Variants in SLC35F6 observed in about 807,000 individuals in gnomAD.
SLC35F6 encodes the protein solute carrier family 35 member F6.
In SLC35F6, 26 loss-of-function variants were observed where a neutral mutation model predicts 29.4. The ratio of observed to expected loss-of-function variants is 0.89; its 90% CI spans 0.65 to 1.23. The LOEUF (loss-of-function observed/expected upper bound fraction) is 1.23. Among genes scored for constraint, SLC35F6 ranks in the 50% most tolerant of loss-of-function variants. The probability of loss-of-function intolerance (pLI) is 0.00; values close to 1 mark genes in which losing one functional copy is unlikely to be tolerated. For synonymous variants in SLC35F6, 174 were observed against 206.6 expected (o/e 0.84, Z 1.35); for missense variants, 428 against 487.8 (o/e 0.88, Z 1.15).
intron 1 of SLC35F6, among the ~76,000 whole-genome samples, chr2:26,768,295 G>A (rs1664131356): frequency 6.6e-6 from 1 of 152,016 alleles, no homozygotes; most frequent in African/African-American, 2.4e-5. Flanking sequence ...TTTCTCATCT[G>A]TAAAATGGAC....
At position 26,778,183 on chromosome 2, in the gene SLC35F6, C is replaced by T. The variant is rs757357044; in HGVS notation, c.788C>T (p.Ala263Val). 1.2e-6 allele frequency: 2 copies of T among 1,614,204 alleles called. No homozygotes were observed. The highest frequency in any genetic ancestry group is 4.5e-5 in the East Asian group (2 of 44,882). The part of the protein sequence containing the change: ...FCQVGQQPLI[A>V]VALLGNISSI... ...CAGGTGGGCCAGCAGCCGCTCATTGCCGTGGCACTGCTGGGCAACATCAGC... is the reference window on the plus strand; with the variant it reads ...CAGGTGGGCCAGCAGCCGCTCATTGTCGTGGCACTGCTGGGCAACATCAGC... Residue 263 changes from alanine (A) to valine (V), a missense_variant, in exon 6 of 6, where the codon GCC becomes GTC. Coordinates refer to ENST00000344420, the MANE Select transcript of SLC35F6 (RefSeq NM_017877.4).
rs767981392 is a variant in SLC35F6 at position 26,778,523 on chromosome 2, G to A, written c.*12G>A. 13 of 1,571,840 alleles carry A rather than the reference G, an allele frequency of 8.3e-6. No homozygotes were observed. In the South Asian group the frequency reaches 1.5e-4, roughly 18 times the overall value. ...ATGATGCCAGCTGAGGTTCCCTGGA[G>A]GCTTCTACTGCCACCCGGGTGCTCC... is the stretch of plus-strand genomic sequence containing the variant. On this transcript the variant is annotated 3_prime_UTR_variant, in exon 6 of 6. Coordinates refer to ENST00000344420, the MANE Select transcript of SLC35F6 (RefSeq NM_017877.4).
intron 1 of SLC35F6, among the ~76,000 whole-genome samples, chr2:26,765,327 G>T (rs1053173404): frequency 1.3e-5 from 2 of 150,648 alleles, no homozygotes; most frequent in African/African-American, 4.9e-5. Flanking sequence ...TGATGTATGG[G>T]GGTGAGAGGG....
chr2:26,770,623 C>T (rs924114564), intron 1 of SLC35F6, among the ~76,000 whole-genome samples: 1 of 151,826 alleles, frequency 6.6e-6, no homozygotes, highest in Non-Finnish European at 1.5e-5. Flanking sequence ...GAGGTTAAGG[C>T]AGGAGAATCA....
In SLC35F6 at chr2:26,779,807, C is replaced by T. The variant is rs573000030; in HGVS notation, c.*1296C>T. On this transcript the variant is annotated 3_prime_UTR_variant, in exon 6 of 6. Transcript: ENST00000344420. ...CTGGGGTTACAGGCATGAGCCACCACGCCCAGCCTTTTTTTTTTTTTTTTT... is the reference window on the plus strand; with the variant it reads ...CTGGGGTTACAGGCATGAGCCACCATGCCCAGCCTTTTTTTTTTTTTTTTT... 6 of 150,386 alleles carry T rather than the reference C, an allele frequency of 4.0e-5. No homozygotes were observed. The highest frequency in any genetic ancestry group is 7.4e-5 in the African/African-American group (3 of 40,788). 9.3% of individuals were successfully genotyped at this position (150,386 alleles called of 1,614,324 possible).
At chr2:26,777,426 G>T (rs1459707377) in intron 5 of SLC35F6, among the ~76,000 whole-genome samples, 1 of 152,226 alleles carries the variant, frequency 6.6e-6, no homozygotes, top group Non-Finnish European at 1.5e-5. Context: ...GCTAGTGCCT[G>T]TTGGGGAGCA....
intron 1 of SLC35F6, among the ~76,000 whole-genome samples, chr2:26,773,198 TGTAA>T (rs1364723183): frequency 6.6e-6 from 1 of 152,014 alleles, no homozygotes; most frequent in Non-Finnish European, 1.5e-5. Context: ...TTTTAAAACG[TGTAA>T]ATAAGACCAA....
chr2:26,775,592 A>G lies in SLC35F6; in HGVS notation c.451A>G (p.Thr151Ala). 2 of 1,608,074 alleles carry G rather than the reference A, an allele frequency of 1.2e-6. No individual in the cohort carries two copies. Among genetic ancestry groups the G allele is most frequent in the Non-Finnish European group, 8.5e-7 (1 of 1,179,286 alleles). ...VLSQWLGILATIAGLVVVGLA... is the reference protein window; with the variant it reads ...VLSQWLGILAAIAGLVVVGLA... ...GAGCCAGTGGCTGGGCATCCTAGCCACCATCGCGGGGCTGGTGGTCGTGGG... is the reference window on the plus strand; with the variant it reads ...GAGCCAGTGGCTGGGCATCCTAGCCGCCATCGCGGGGCTGGTGGTCGTGGG... The change falls in exon 4 of 6, where the codon ACC (threonine) becomes GCC (alanine). Residue 151 changes from threonine to alanine, a missense_variant. Physicochemically the swap from Thr to Ala is moderately conservative, Grantham distance 58. Coordinates refer to ENST00000344420, the MANE Select transcript of SLC35F6 (RefSeq NM_017877.4). The surrounding 1 kb of genome is among the most constrained non-coding windows in gnomAD (Gnocchi z 4.6).
At chr2:26,777,068 G>A (rs943440832) in intron 5 of SLC35F6, among the ~76,000 whole-genome samples, 6 of 152,206 alleles carry the variant, frequency 3.9e-5, no homozygotes, top group African/African-American at 1.2e-4. Context: ...GCGTGGTGGC[G>A]CATGCCTGTA....
rs1664281428 is a variant in SLC35F6, at chr2:26,775,500, T to C, written c.359T>C (p.Leu120Pro). 6.2e-7 allele frequency: 1 copy of C among 1,612,506 alleles called. No homozygotes were observed. Among genetic ancestry groups the C allele is most frequent in the African/African-American group, 1.3e-5 (1 of 74,836 alleles). ...NMTSASSFQM[L>P]RGAVIIFTGL... ...ACCAGTGCCTCCAGCTTCCAGATGC[T>C]GCGGGGTGCAGTGATCATATTCACT... Residue 120 changes from leucine (L) to proline (P), a missense_variant, in exon 4 of 6, where the codon CTG becomes CCG. Leu to Pro is a moderately conservative substitution (Grantham distance 98). Coordinates refer to ENST00000344420, the MANE Select transcript of SLC35F6 (RefSeq NM_017877.4). This position sits in a 1 kb window ranked among gnomAD's most constrained non-coding sequence, Gnocchi z 4.6.
At position 26,778,242 on chromosome 2, in the gene SLC35F6, G is replaced by A. The variant is rs772591280; in HGVS notation, c.847G>A (p.Val283Ile). 1.8e-5 allele frequency: 29 copies of A among 1,614,022 alleles called. No homozygotes were observed. Among genetic ancestry groups the A allele is most frequent in the South Asian group, 1.1e-4 (10 of 91,094 alleles). Residue 283 changes from valine (V) to isoleucine (I), a missense_variant, in exon 6 of 6, where the codon GTC becomes ATC. Coordinates refer to ENST00000344420, the MANE Select transcript of SLC35F6 (RefSeq NM_017877.4). ...IAFFNFAGIS[V>I]TKELSATTRM... ...CTTCTTCAACTTCGCAGGCATCAGC[G>A]TCACCAAGGAACTGAGCGCCACCAC...
intron 1 of SLC35F6, among the ~76,000 whole-genome samples, chr2:26,767,688 C>T (rs1267298471): frequency 6.6e-6 from 1 of 152,184 alleles, no homozygotes; most frequent in Admixed American, 6.5e-5. Flanking sequence ...ACCCCAGTCT[C>T]CTGAATCCAA....
chr2:26,773,364 G>A (rs555546629), intron 1 of SLC35F6, among the ~76,000 whole-genome samples: 6 of 151,878 alleles, frequency 4.0e-5, no homozygotes, highest in Admixed American at 2.0e-4. Context: ...TTAGCCAGGC[G>A]TGGTGTCGGG....
chr2:26,764,377 C>G lies in SLC35F6; in HGVS notation c.28C>G (p.Leu10Val), dbSNP rs368423853. 6.4e-7 allele frequency: 1 copy of G among 1,551,040 alleles called. No individual in the cohort carries two copies. Residue 10 changes from leucine to valine, a missense_variant, in exon 1 of 6, where the codon CTG becomes GTG. Leu to Val is a conservative substitution (Grantham distance 32, BLOSUM62 1). Transcript: ENST00000344420. ...GGCCTGGACCAAGTACCAGCTGTTC[C>G]TGGCCGGGCTCATGCTTGTTACCGG... MAWTKYQLFLAGLMLVTGSI... is the reference protein window; with the variant it reads MAWTKYQLFVAGLMLVTGSI...
chr2:26,772,627 A>G (rs1664218997), intron 1 of SLC35F6, among the ~76,000 whole-genome samples: 1 of 152,188 alleles, frequency 6.6e-6, no homozygotes, highest in African/African-American at 2.4e-5. Context: ...GCCTGGGTAC[A>G]CCAGAGTACT....
At chr2:26,766,867 G>A (rs1412289221) in intron 1 of SLC35F6, among the ~76,000 whole-genome samples, 1 of 152,198 alleles carries the variant, frequency 6.6e-6, no homozygotes, top group African/African-American at 2.4e-5. Flanking sequence ...CTACTAAGTG[G>A]CAGAGTTTAT....
chr2:26,780,702 A>G lies in SLC35F6; in HGVS notation c.*2191A>G, dbSNP rs1408353573. On this transcript the variant is annotated 3_prime_UTR_variant, in exon 6 of 6. Coordinates refer to ENST00000344420, the MANE Select transcript of SLC35F6 (RefSeq NM_017877.4). ...CTCCTAGGGCTGGGCTGGAAGCCTC[A>G]TGTACTGTTGTCTTCTAGGTAACCA... The G allele has an allele frequency of 6.6e-6, 1 of 152,206 alleles. No individual in the cohort carries two copies. Among genetic ancestry groups the G allele is most frequent in the African/African-American group, 2.4e-5 (1 of 41,394 alleles). The allele number at this position is 152,206 out of a possible 1,614,324, so 9.4% of individuals were successfully genotyped here.
intron 1 of SLC35F6, 128 bp downstream of exon 1, chr2:26,764,554 G>T: frequency 8.0e-7 from 1 of 1,247,246 alleles, no homozygotes; most frequent in Non-Finnish European, 1.1e-6. Context: ...GTTCGCGCGC[G>T]TTATGACCAC....
At chr2:26,776,637 G>A (rs1364686738) in intron 5 of SLC35F6, among the ~76,000 whole-genome samples, 155 bp downstream of exon 5, 2 of 152,160 alleles carry the variant, frequency 1.3e-5, no homozygotes, top group Admixed American at 6.5e-5. Flanking sequence ...GACACCTGCT[G>A]TGTCAGGAAC....
Sources: allele counts gnomAD v4.1 joint callset (sites outside exome capture counted in the v4.1 genomes callset), GRCh38; gene constraint gnomAD v4.1.1; non-coding constraint Gnocchi (gnomAD v3.1); transcripts MANE v1.5; gene names NCBI Gene and HGNC (gene_info 2026-07-23, HGNC 2026-07-21).